Variants in ST18 observed in about 807,000 individuals in gnomAD.
ST18 encodes suppression of tumorigenicity 18 protein.
A neutral mutation model predicts 110.0 loss-of-function variants in ST18; 50 were observed. The ratio of observed to expected loss-of-function variants is 0.45; its 90% CI spans 0.36 to 0.58. The LOEUF is 0.58. Ranked by LOEUF, ST18 falls within the 20% of genes least tolerant of loss-of-function variation. ST18 has a pLI of 0.00. For missense variants in ST18, 1,306 were observed against 1,280.1 expected, an observed-to-expected ratio of 1.02 and a Z score of -0.31; for synonymous variants, 461 against 452.4, an observed-to-expected ratio of 1.02 and a Z score of -0.24.
At chr8:52,267,616 T>C (rs1199986452) in intron 2 of ST18, among the ~76,000 whole-genome samples, 1 of 151,784 alleles carries the variant, frequency 6.6e-6, no homozygotes, top group Non-Finnish European at 1.5e-5. Context: ...GGGGAAAATA[T>C]ATACCTATTC....
At chr8:52,211,471 A>G (rs2082153165) in intron 8 of ST18, among the ~76,000 whole-genome samples, 4 of 150,910 alleles carry the variant, frequency 2.7e-5, no homozygotes, top group Admixed American at 2.0e-4. Context: ...CAGTTGTGTG[A>G]TCTCAGCTCA....
intron 8 of ST18, among the ~76,000 whole-genome samples, chr8:52,185,327 A>G: frequency 1.3e-5 from 2 of 152,222 alleles, no homozygotes; most frequent in East Asian, 3.9e-4. Context: ...AAGACTCAGT[A>G]TAGCAATTTC....
chr8:52,287,648 G>T (rs1253932338), intron 2 of ST18, among the ~76,000 whole-genome samples: 1 of 152,182 alleles, frequency 6.6e-6, no homozygotes, highest in African/African-American at 2.4e-5. Flanking sequence ...TGTAAACTGT[G>T]TGTACCAACA....
At chr8:52,215,212 G>T (rs918813611) in intron 6 of ST18, among the ~76,000 whole-genome samples, 1 of 152,186 alleles carries the variant, frequency 6.6e-6, no homozygotes, top group African/African-American at 2.4e-5. Flanking sequence ...GCTGAGTTGT[G>T]ATTGAAGGCA....
chr8:52,274,650 C>A (rs1055109114), intron 2 of ST18, among the ~76,000 whole-genome samples: 86 of 152,176 alleles, frequency 5.7e-4, no homozygotes, highest in African/African-American at 1.9e-3. Context: ...CATGCACTGA[C>A]TTGTTTTCAT....
At chr8:52,212,355 A>C (rs567994570) in intron 7 of ST18, among the ~76,000 whole-genome samples, 1 of 152,334 alleles carries the variant, frequency 6.6e-6, no homozygotes, top group South Asian at 2.1e-4. Flanking sequence ...CTTTCCAGGT[A>C]CCTGTCCTTA....
intron 22 of ST18, among the ~76,000 whole-genome samples, chr8:52,129,818 G>T (rs2048504563): frequency 6.6e-6 from 1 of 152,062 alleles, no homozygotes; most frequent in African/African-American, 2.4e-5. Flanking sequence ...GCCAAGGTGG[G>T]CAGATCACCT....
At chr8:52,255,683 G>A (rs1456659045) in intron 2 of ST18, among the ~76,000 whole-genome samples, 1 of 152,082 alleles carries the variant, frequency 6.6e-6, no homozygotes, top group East Asian at 1.9e-4. Context: ...CATCTTATAA[G>A]AGCAAACTCT....
intron 2 of ST18, among the ~76,000 whole-genome samples, chr8:52,286,215 G>C (rs1477986106): frequency 6.6e-6 from 1 of 152,138 alleles, no homozygotes; most frequent in Non-Finnish European, 1.5e-5. Flanking sequence ...TGGTCAGTTT[G>C]CAAATGTCCA....
At chr8:52,380,462 G>A (rs1361493594) in intron 2 of ST18, among the ~76,000 whole-genome samples, 1 of 152,074 alleles carries the variant, frequency 6.6e-6, no homozygotes, top group East Asian at 1.9e-4. Context: ...ATTTTCAACT[G>A]CATGGGAGAC....
intron 3 of ST18, among the ~76,000 whole-genome samples, chr8:52,229,093 C>T (rs2090505472): frequency 6.6e-6 from 1 of 152,172 alleles, no homozygotes; most frequent in African/African-American, 2.4e-5. Context: ...TACAGACTAT[C>T]AGTCTTAGCC....
chr8:52,323,175 A>G (rs1226214658), intron 2 of ST18, among the ~76,000 whole-genome samples: 8 of 151,988 alleles, frequency 5.3e-5, no homozygotes, highest in Non-Finnish European at 7.4e-5. Context: ...GTCTAGAATT[A>G]TGAATTTTTT....
At chr8:52,268,758 C>T (rs960322669) in intron 2 of ST18, among the ~76,000 whole-genome samples, 2 of 152,146 alleles carry the variant, frequency 1.3e-5, no homozygotes, top group African/African-American at 4.8e-5. Flanking sequence ...ATCCCTGAAT[C>T]CTTGGGGCTG....
chr8:52,382,620 T>C (rs980096366), intron 2 of ST18, among the ~76,000 whole-genome samples: 2 of 151,850 alleles, frequency 1.3e-5, no homozygotes, highest in Admixed American at 6.6e-5. Flanking sequence ...AAGAAGAGGA[T>C]GAACGGAGAT....
rs2040993280 is a variant in ST18, at chr8:52,113,096, C to T, written c.*102G>A. 7.3e-7 allele frequency: 1 copy of T among 1,360,988 alleles called. No homozygotes were observed. Among genetic ancestry groups the T allele is most frequent in the Non-Finnish European group, 9.7e-7 (1 of 1,026,864 alleles). The allele number at this position is 1,360,988 out of a possible 1,614,324, so 84.3% of individuals were successfully genotyped here. A position where few individuals can be genotyped will look rare whatever the true frequency, so the allele number is the denominator to read the frequency against. ...AGTGCAATGTTGCAAATTGTAAATG[C>T]AGTACGGCAACCTCCACGCCTTAGC... On this transcript the variant is annotated 3_prime_UTR_variant, in exon 26 of 26. Transcript: ENST00000689386.
At position 52,315,732 on chromosome 8, in the gene ST18, T is replaced by C. The variant is rs568251932; in HGVS notation, c.-464-85655A>G. Reference sequence around the variant, plus strand: ...TGTTTGTTAAAGAAAGTGTGTGTTATGAATAACTGCAACTTAGCTATATAG... The same window carrying C: ...TGTTTGTTAAAGAAAGTGTGTGTTACGAATAACTGCAACTTAGCTATATAG... On this transcript the variant is annotated intron_variant, in intron 2 of 25. Coordinates refer to ENST00000689386, the MANE Select transcript of ST18 (RefSeq NM_001352837.2). Among the ~76,000 whole-genome samples, 53 of 152,354 alleles carry C rather than the reference T, an allele frequency of 3.5e-4. 1 individual carries two copies. The highest frequency in any genetic ancestry group is 3.2e-3 in the Admixed American group (49 of 15,298).
chr8:52,238,985 A>C lies in ST18; in HGVS notation c.-464-8908T>G, dbSNP rs148779743. Reference sequence around the variant, plus strand: ...CAATATATCCATGTAACAAAACTGCACTTGTACCCCCTATATCTATACCAA... The same window carrying C: ...CAATATATCCATGTAACAAAACTGCCCTTGTACCCCCTATATCTATACCAA... On this transcript the variant is annotated intron_variant, in intron 2 of 25. Coordinates refer to ENST00000689386, the MANE Select transcript of ST18 (RefSeq NM_001352837.2). Among the ~76,000 whole-genome samples, 371 of 152,178 alleles carry C rather than the reference A, an allele frequency of 2.4e-3. 5 individuals are homozygous for C. Among genetic ancestry groups the C allele is most frequent in the Non-Finnish European group, 4.9e-3 (330 of 67,996 alleles).
At chr8:52,114,007 T>C (rs1432721507) in intron 25 of ST18, among the ~76,000 whole-genome samples, 1 of 129,332 alleles carries the variant, frequency 7.7e-6, no homozygotes, top group Non-Finnish European at 1.6e-5. Context: ...TCTCGCTCTA[T>C]TGTCCTGGCT....
In ST18 at chr8:52,154,147, C is replaced by T. The variant is rs138221222; in HGVS notation, c.1807-4170G>A. 2.9e-3 allele frequency among the ~76,000 whole-genome samples: 439 copies of T among 152,284 alleles called. 2 individuals carry two copies. Among genetic ancestry groups the T allele is most frequent in the Non-Finnish European group, 4.6e-3 (314 of 68,026 alleles). ...GTGCCTTGTGATCCCTGACCCAAGACCGTCATAACATTTCACTCAGAATGT... is the reference window on the plus strand; with the variant it reads ...GTGCCTTGTGATCCCTGACCCAAGATCGTCATAACATTTCACTCAGAATGT... On this transcript the variant is annotated intron_variant, in intron 15 of 25. Coordinates refer to ENST00000689386, the MANE Select transcript of ST18 (RefSeq NM_001352837.2).
Sources: gnomAD v4.1 joint callset for allele counts (sites outside exome capture counted in the v4.1 genomes callset) on GRCh38, gnomAD v4.1.1 for gene constraint, MANE v1.5 for transcripts, NCBI Gene and HGNC (gene_info 2026-07-23, HGNC 2026-07-21) for gene names.